Variants in DOK6 observed in about 807,000 individuals in gnomAD.
DOK6 encodes the protein docking protein 6.
A neutral mutation model predicts 44.0 loss-of-function variants in DOK6; 22 were observed. The observed-to-expected ratio is 0.50, with a 90% CI of 0.36 to 0.71. DOK6 has a LOEUF of 0.71. Among genes scored for constraint, DOK6 ranks in the 30% least tolerant of loss-of-function variants. DOK6 has a pLI of 0.00. For synonymous variants in DOK6, 166 were observed against 145.5 expected (o/e 1.14, Z -1.01); for missense variants, 340 against 416.4 (o/e 0.82, Z 1.60).
intron 7 of DOK6, among the ~76,000 whole-genome samples, chr18:69,829,777 A>C (rs1981849387): frequency 1.3e-5 from 2 of 152,012 alleles, no homozygotes; most frequent in East Asian, 3.8e-4. Flanking sequence ...ATAGGAAAAA[A>C]AAAAAGAAAT....
chr18:69,520,578 A>C (rs1273458406), intron 1 of DOK6, among the ~76,000 whole-genome samples: 1 of 151,916 alleles, frequency 6.6e-6, no homozygotes, highest in Non-Finnish European at 1.5e-5. Flanking sequence ...AAAATTCTAC[A>C]CATAAGTAAT....
At chr18:69,690,615 A>C (rs549867100) in intron 4 of DOK6, among the ~76,000 whole-genome samples, 1 of 152,208 alleles carries the variant, frequency 6.6e-6, no homozygotes, top group South Asian at 2.1e-4. Flanking sequence ...ATCTGGCTCT[A>C]TTTAGTTCCT....
chr18:69,626,597 A>C (rs1016079451), intron 3 of DOK6, among the ~76,000 whole-genome samples: 2 of 152,236 alleles, frequency 1.3e-5, no homozygotes, highest in African/African-American at 4.8e-5. Context: ...AAAATGTTTA[A>C]TAACTTCCTG....
At chr18:69,593,864 A>G (rs1031354524) in intron 2 of DOK6, among the ~76,000 whole-genome samples, 5 of 152,194 alleles carry the variant, frequency 3.3e-5, no homozygotes, top group African/African-American at 1.2e-4. Flanking sequence ...GTTTAACAGT[A>G]TATCATTCTT....
At chr18:69,733,582 T>G (rs1380668817) in intron 5 of DOK6, among the ~76,000 whole-genome samples, 1 of 152,200 alleles carries the variant, frequency 6.6e-6, no homozygotes, top group Admixed American at 6.5e-5. Context: ...CAATATATTT[T>G]TATTAACTAT....
At position 69,653,842 on chromosome 18, in the gene DOK6, CTATAATGTTTCAAACA is replaced by C. The variant is rs897031075; in HGVS notation, c.290-23889_290-23874del. ...AATGTTTCAAACATACAAATTATCC[CTATAATGTTTCAAACA>C]TAATGTTTCAAACAAGCATTCAATT... On this transcript the variant is annotated intron_variant, in intron 3 of 7. Transcript: ENST00000382713. Among the ~76,000 whole-genome samples, 89 of 116,008 alleles carry C rather than the reference CTATAATGTTTCAAACA, an allele frequency of 7.7e-4. 2 individuals carry two copies. The South Asian group carries it at 0.012, about 16-fold the overall frequency. 76.1% of individuals were successfully genotyped at this position (116,008 alleles called of 152,430 possible).
chr18:69,574,051 T>C (rs1350271341), intron 2 of DOK6, among the ~76,000 whole-genome samples: 3 of 151,994 alleles, frequency 2.0e-5, no homozygotes, highest in African/African-American at 4.8e-5. Context: ...GGAAAAGAGA[T>C]CTGCCCTCTT....
intron 3 of DOK6, among the ~76,000 whole-genome samples, chr18:69,669,042 T>C (rs1985730640): frequency 6.6e-6 from 1 of 152,178 alleles, no homozygotes; most frequent in African/African-American, 2.4e-5. Context: ...GACCCTAATC[T>C]TCTACTTTTT....
chr18:69,703,019 C>T (rs1986554967), intron 5 of DOK6, among the ~76,000 whole-genome samples: 1 of 149,244 alleles, frequency 6.7e-6, no homozygotes, highest in Non-Finnish European at 1.5e-5. Context: ...AAACAGTTTC[C>T]TAAGTCATTT....
At chr18:69,675,001 A>G (rs1568330125) in intron 3 of DOK6, among the ~76,000 whole-genome samples, 1 of 152,068 alleles carries the variant, frequency 6.6e-6, no homozygotes, top group Non-Finnish European at 1.5e-5. Context: ...TAGTGTGACA[A>G]TATGTACTCT....
chr18:69,472,054 T>C (rs1980128859), intron 1 of DOK6, among the ~76,000 whole-genome samples: 1 of 152,196 alleles, frequency 6.6e-6, no homozygotes, highest in South Asian at 2.1e-4. Flanking sequence ...CATTATCTCT[T>C]ATGATTTTCC....
intron 1 of DOK6, among the ~76,000 whole-genome samples, chr18:69,428,822 T>C (rs1978716299): frequency 6.6e-6 from 1 of 152,238 alleles, no homozygotes; most frequent in South Asian, 2.1e-4. Flanking sequence ...TCCTAGAGTG[T>C]CAGTGTGGTA....
chr18:69,412,150 G>A (rs1978309033), intron 1 of DOK6, among the ~76,000 whole-genome samples: 1 of 152,048 alleles, frequency 6.6e-6, no homozygotes, highest in East Asian at 1.9e-4. Flanking sequence ...GAGCATGTGG[G>A]CTTTCTTGAA....
Position 69,705,376 on chromosome 18 carries a change from G to C in DOK6, c.599+6783G>C, listed in dbSNP as rs181199037. On this transcript the variant is annotated intron_variant, in intron 5 of 7. Transcript: ENST00000382713. ...TCTTGGTTTGTTTTTGTTTTGTTTTGTTTTGTTTTTTGAGCTCTATTTCTC... is the reference window on the plus strand; with the variant it reads ...TCTTGGTTTGTTTTTGTTTTGTTTTCTTTTGTTTTTTGAGCTCTATTTCTC... Among the ~76,000 whole-genome samples the C allele has an allele frequency of 3.2e-4, 48 of 152,132 alleles. 1 individual carries two copies. Among genetic ancestry groups the C allele is most frequent in the Admixed American group, 3.0e-3 (46 of 15,268 alleles).
chr18:69,478,266 T>C (rs959686359), intron 1 of DOK6, among the ~76,000 whole-genome samples: 4 of 152,182 alleles, frequency 2.6e-5, no homozygotes, highest in African/African-American at 9.6e-5. Context: ...TATTTTAGCA[T>C]AGGGCATTTG....
chr18:69,524,694 T>C (rs1441410576), intron 1 of DOK6, among the ~76,000 whole-genome samples: 1 of 151,960 alleles, frequency 6.6e-6, no homozygotes, highest in Non-Finnish European at 1.5e-5. Flanking sequence ...TGAAAAACCA[T>C]TAATTTTGAA....
chr18:69,562,061 T>C lies in DOK6; in HGVS notation c.67-2426T>C, dbSNP rs550700360. 2.6e-5 allele frequency among the ~76,000 whole-genome samples: 4 copies of C among 152,322 alleles called. No homozygotes were observed. The South Asian group carries it at 8.3e-4, about 32-fold the overall frequency. ...ACCAGCAAAGAATACACTAGATTTTTAAATTTAAAAGTTGTGGCCAATTTG... is the reference window on the plus strand; with the variant it reads ...ACCAGCAAAGAATACACTAGATTTTCAAATTTAAAAGTTGTGGCCAATTTG... On this transcript the variant is annotated intron_variant, in intron 1 of 7. Coordinates refer to ENST00000382713, the MANE Select transcript of DOK6 (RefSeq NM_152721.6).
intron 7 of DOK6, among the ~76,000 whole-genome samples, chr18:69,809,437 C>A (rs1323128543): frequency 2.0e-5 from 3 of 151,140 alleles, no homozygotes; most frequent in African/African-American, 7.3e-5. Context: ...ACTGGAAAAG[C>A]CTAGCCAAAA....
intron 3 of DOK6, among the ~76,000 whole-genome samples, chr18:69,633,163 G>T (rs1984728119): frequency 6.6e-6 from 1 of 152,184 alleles, no homozygotes; most frequent in Non-Finnish European, 1.5e-5. Context: ...TAATGTCCTT[G>T]TAAGAATAAC....
Sources: allele counts gnomAD v4.1 joint callset (sites outside exome capture counted in the v4.1 genomes callset), GRCh38; gene constraint gnomAD v4.1.1; transcripts MANE v1.5; gene names NCBI Gene and HGNC (gene_info 2026-07-23, HGNC 2026-07-21).